Variants in PLCXD3 observed in about 807,000 individuals in gnomAD.
PLCXD3 encodes the protein PI-PLC X domain-containing protein 3.
In PLCXD3, 19 loss-of-function variants were observed where a neutral mutation model predicts 25.5. That is an observed-to-expected ratio of 0.75 (90% confidence interval 0.52 to 1.09). The LOEUF is 1.09. Among genes scored for constraint, PLCXD3 ranks in the 50% least tolerant of loss-of-function variants. The probability of loss-of-function intolerance (pLI) is 0.00; values close to 1 mark genes in which losing one functional copy is unlikely to be tolerated. For missense variants in PLCXD3, 411 were observed against 388.1 expected (o/e 1.06, Z -0.50); for synonymous variants, 174 against 137.6 (o/e 1.26, Z -1.85).
intron 1 of PLCXD3, among the ~76,000 whole-genome samples, chr5:41,503,742 G>A (rs1409113315): frequency 3.3e-5 from 5 of 152,058 alleles, no homozygotes; most frequent in African/African-American, 1.2e-4. Flanking sequence ...TCCTAAGATT[G>A]ATTTGAACCC....
intron 1 of PLCXD3, among the ~76,000 whole-genome samples, chr5:41,411,736 TTTTATAATTTTATAA>T (rs985111919): frequency 1.7e-5 from 2 of 120,924 alleles, no homozygotes; most frequent in Non-Finnish European, 3.8e-5. Flanking sequence ...TAATTTTATA[TTTTATAATTTTATAA>T]TTTATAATTT....
intron 1 of PLCXD3, among the ~76,000 whole-genome samples, chr5:41,458,994 T>C (rs1747814690): frequency 6.6e-6 from 1 of 151,978 alleles, no homozygotes; most frequent in Admixed American, 6.6e-5. Flanking sequence ...GAAAAGCATG[T>C]TTTATTTAGA....
chr5:41,351,945 CA>C (rs1744474132), intron 2 of PLCXD3, among the ~76,000 whole-genome samples: 1 of 152,024 alleles, frequency 6.6e-6, no homozygotes, highest in African/African-American at 2.4e-5. Flanking sequence ...AATAAAGGAG[CA>C]AAATAATTGC....
At chr5:41,462,749 C>T (rs929034120) in intron 1 of PLCXD3, among the ~76,000 whole-genome samples, 1 of 151,504 alleles carries the variant, frequency 6.6e-6, no homozygotes, top group African/African-American at 2.4e-5. Flanking sequence ...CGCATCATTT[C>T]ACTCCAGCCT....
intron 1 of PLCXD3, among the ~76,000 whole-genome samples, chr5:41,448,964 A>T (rs1747567212): frequency 6.6e-6 from 1 of 152,112 alleles, no homozygotes; most frequent in African/African-American, 2.4e-5. Context: ...AAACATGCAC[A>T]CCTTTCCCTT....
At chr5:41,374,261 A>C (rs958412146) in intron 2 of PLCXD3, among the ~76,000 whole-genome samples, 1 of 152,060 alleles carries the variant, frequency 6.6e-6, no homozygotes, top group Non-Finnish European at 1.5e-5. Context: ...TTAAATCAGA[A>C]TCTCTGAAAG....
In PLCXD3 at chr5:41,325,263, C is replaced by T. The variant is rs375927822; in HGVS notation, c.813-11493G>A. Among the ~76,000 whole-genome samples the T allele has an allele frequency of 4.6e-5, 7 of 152,130 alleles. No individual in the cohort carries two copies. The East Asian group carries it at 5.8e-4, about 13-fold the overall frequency. On this transcript the variant is annotated intron_variant, in intron 2 of 2. Coordinates refer to ENST00000377801, the MANE Select transcript of PLCXD3 (RefSeq NM_001005473.3). ...TATTTCTATTTTCTGTTCAGGCATA[C>T]GTTCCTAAAGTCAATATGATACCAG...
chr5:41,436,607 G>A lies in PLCXD3; in HGVS notation c.104-54073C>T, dbSNP rs145278433. Among the ~76,000 whole-genome samples, 29 of 152,186 alleles carry A rather than the reference G, an allele frequency of 1.9e-4. 1 individual carries two copies. Among genetic ancestry groups the A allele is most frequent in the Admixed American group, 1.4e-3 (22 of 15,278 alleles). ...GAAATTCCAACTATTGCAGCCCTCC[G>A]ATACTTCCCACCATGGTAAGTGGCC... On this transcript the variant is annotated intron_variant, in intron 1 of 2. Coordinates refer to ENST00000377801, the MANE Select transcript of PLCXD3 (RefSeq NM_001005473.3).
chr5:41,393,414 A>T (rs1745896793), intron 1 of PLCXD3, among the ~76,000 whole-genome samples: 1 of 152,184 alleles, frequency 6.6e-6, no homozygotes, highest in Non-Finnish European at 1.5e-5. Flanking sequence ...GGCATAACAT[A>T]TTTAAAGTGC....
At chr5:41,449,175 A>C (rs1747571687) in intron 1 of PLCXD3, among the ~76,000 whole-genome samples, 1 of 152,204 alleles carries the variant, frequency 6.6e-6, no homozygotes, top group Non-Finnish European at 1.5e-5. Flanking sequence ...GAATGTTCTC[A>C]TTCTCCTCAA....
intron 1 of PLCXD3, among the ~76,000 whole-genome samples, chr5:41,460,363 G>C (rs1024416822): frequency 6.6e-6 from 1 of 151,930 alleles, no homozygotes; most frequent in African/African-American, 2.4e-5. Context: ...GGTCTAATTT[G>C]GATGTGTGCA....
At chr5:41,470,177 G>T (rs192873145) in intron 1 of PLCXD3, among the ~76,000 whole-genome samples, 162 of 152,152 alleles carry the variant, frequency 1.1e-3, no homozygotes, top group African/African-American at 3.9e-3. Context: ...AAAGGGGGGT[G>T]GCAGTTAAAA....
At chr5:41,373,495 A>G (rs1248306931) in intron 2 of PLCXD3, among the ~76,000 whole-genome samples, 1 of 152,150 alleles carries the variant, frequency 6.6e-6, no homozygotes, top group Non-Finnish European at 1.5e-5. Flanking sequence ...TAACCCATTC[A>G]GCCTAAATTT....
intron 2 of PLCXD3, among the ~76,000 whole-genome samples, chr5:41,375,492 A>T (rs1476361406): frequency 6.6e-6 from 1 of 152,128 alleles, no homozygotes; most frequent in African/African-American, 2.4e-5. Flanking sequence ...ATCAATTAGC[A>T]TTCCTCTTGG....
intron 2 of PLCXD3, among the ~76,000 whole-genome samples, chr5:41,346,409 A>T (rs900403812): frequency 1.8e-4 from 28 of 152,150 alleles, no homozygotes; most frequent in African/African-American, 5.5e-4. Context: ...GTTTTGACAA[A>T]TGCATGATGT....
chr5:41,324,962 G>A (rs960738869), intron 2 of PLCXD3, among the ~76,000 whole-genome samples: 1 of 152,144 alleles, frequency 6.6e-6, no homozygotes, highest in African/African-American at 2.4e-5. Flanking sequence ...GGAGGTTCCT[G>A]AGCAACCATA....
intron 2 of PLCXD3, among the ~76,000 whole-genome samples, chr5:41,370,162 C>A (rs1456953779): frequency 6.6e-6 from 1 of 151,914 alleles, no homozygotes; most frequent in Non-Finnish European, 1.5e-5. Flanking sequence ...GTGATTTCTG[C>A]AAAAAAATGA....
Position 41,381,997 on chromosome 5 carries a change from G to A in PLCXD3, c.641C>T (p.Ala214Val). 3.7e-6 allele frequency: 6 copies of A among 1,613,538 alleles called. No homozygotes were observed. In the South Asian group the frequency reaches 5.5e-5, roughly 15 times the overall value. ...PFLWPGQMMP[A>V]PWANTTDPEK... Reference sequence around the variant, plus strand: ...GGGGTCTGTGGTGTTGGCCCAGGGTGCTGGCATCATCTGCCCAGGCCAGAG... The same window carrying A: ...GGGGTCTGTGGTGTTGGCCCAGGGTACTGGCATCATCTGCCCAGGCCAGAG... The change falls in exon 2 of 3, where the codon GCA becomes GTA. Residue 214 changes from alanine (A) to valine (V), a missense_variant. By Grantham distance (64) the Ala-to-Val change is moderately conservative. Coordinates refer to ENST00000377801, the MANE Select transcript of PLCXD3 (RefSeq NM_001005473.3).
intron 1 of PLCXD3, among the ~76,000 whole-genome samples, chr5:41,486,313 G>T (rs1160257972): frequency 1.3e-5 from 2 of 151,798 alleles, no homozygotes; most frequent in African/African-American, 2.4e-5. Flanking sequence ...GGTGGTCATC[G>T]TCCCCCCTGG....
Sources: allele counts gnomAD v4.1 joint callset (sites outside exome capture counted in the v4.1 genomes callset), GRCh38; gene constraint gnomAD v4.1.1; transcripts MANE v1.5; gene names NCBI Gene and HGNC (gene_info 2026-07-23, HGNC 2026-07-21).